Variants in MAP2 observed in about 807,000 individuals in gnomAD.
MAP2 encodes microtubule associated protein 2, also known as microtubule-associated protein 2.
In MAP2, 14 loss-of-function variants were observed where a neutral mutation model predicts 137.6. The ratio of observed to expected loss-of-function variants is 0.10; its 90% CI spans 0.07 to 0.16. MAP2 has a LOEUF of 0.16. Ranked by LOEUF, MAP2 falls within the 10% of genes least tolerant of loss-of-function variation. MAP2 has a pLI of 1.00. For synonymous variants in MAP2, 786 were observed against 782.3 expected (o/e 1.00, Z -0.08); for missense variants, 2,088 against 2,191.5 (o/e 0.95, Z 0.94).
chr2:209,433,532 C>T (rs1326640382), intron 1 of MAP2, among the ~76,000 whole-genome samples: 3 of 152,050 alleles, frequency 2.0e-5, no homozygotes, highest in Non-Finnish European at 4.4e-5. Flanking sequence ...ATTTAACTTG[C>T]ACTGCACTGT....
chr2:209,729,072 G>T (rs118098965), intron 14 of MAP2, among the ~76,000 whole-genome samples: 2 of 152,224 alleles, frequency 1.3e-5, no homozygotes, highest in East Asian at 1.9e-4. Context: ...TGAGAAAGAC[G>T]TGTAGAGATG....
At chr2:209,521,727 C>T (rs1439935493) in intron 2 of MAP2, among the ~76,000 whole-genome samples, 1 of 151,942 alleles carries the variant, frequency 6.6e-6, no homozygotes, top group Non-Finnish European at 1.5e-5. Flanking sequence ...AGCTGATATA[C>T]CAGGAGATTG....
At chr2:209,705,404 A>C (rs1357423444) in intron 11 of MAP2, 176 bp from the exon 12 acceptor site, 2 of 426,600 alleles carry the variant, frequency 4.7e-6, no homozygotes, top group Non-Finnish European at 4.0e-6. Context: ...CATCTAGGCA[A>C]ATATGCACTC....
intron 1 of MAP2, among the ~76,000 whole-genome samples, chr2:209,432,947 C>G (rs1353735644): frequency 6.6e-6 from 1 of 152,084 alleles, no homozygotes; most frequent in Middle Eastern, 3.2e-3. Context: ...CCTTTTAGAA[C>G]ATGATGTTCT....
intron 3 of MAP2, among the ~76,000 whole-genome samples, chr2:209,623,816 T>C (rs904415281): frequency 2.6e-5 from 4 of 152,170 alleles, no homozygotes; most frequent in African/African-American, 9.7e-5. Flanking sequence ...AAAATAGTTA[T>C]CAAATTATTA....
intron 10 of MAP2, among the ~76,000 whole-genome samples, chr2:209,699,323 T>A (rs2061122835): frequency 6.6e-6 from 1 of 151,628 alleles, no homozygotes; most frequent in Non-Finnish European, 1.5e-5. Flanking sequence ...TTAGAACTTA[T>A]TCAGAGGGCT....
At chr2:209,630,734 C>A (rs2153547469) in intron 4 of MAP2, among the ~76,000 whole-genome samples, 1 of 151,898 alleles carries the variant, frequency 6.6e-6, no homozygotes, top group African/African-American at 2.4e-5. Flanking sequence ...AAGGGAAAGA[C>A]AAATGGATAA....
At chr2:209,455,727 A>T (rs1701383813) in intron 1 of MAP2, among the ~76,000 whole-genome samples, 1 of 152,192 alleles carries the variant, frequency 6.6e-6, no homozygotes, top group South Asian at 2.1e-4. Flanking sequence ...TTAAAAAGCC[A>T]CCTTGTAATC....
chr2:209,697,806 T>G (rs761270767), intron 10 of MAP2, among the ~76,000 whole-genome samples: 9 of 152,182 alleles, frequency 5.9e-5, no homozygotes, highest in Non-Finnish European at 1.2e-4. Context: ...TAGGAGGAAC[T>G]TCAGTTAGAA....
At chr2:209,630,296 T>C (rs952407413) in intron 4 of MAP2, among the ~76,000 whole-genome samples, 2 of 151,948 alleles carry the variant, frequency 1.3e-5, no homozygotes, top group Non-Finnish European at 2.9e-5. Flanking sequence ...CTGGGGCTCC[T>C]CAGCCCGATC....
At chr2:209,465,276 A>T (rs1703836731) in intron 1 of MAP2, among the ~76,000 whole-genome samples, 1 of 152,306 alleles carries the variant, frequency 6.6e-6, no homozygotes, top group East Asian at 1.9e-4. Context: ...TCTAAAAAAA[A>T]GTGAAAGAAA....
chr2:209,706,916 A>T (rs373430797), intron 12 of MAP2, among the ~76,000 whole-genome samples: 7 of 152,168 alleles, frequency 4.6e-5, no homozygotes, highest in African/African-American at 1.7e-4. Context: ...CCTTTGAAAT[A>T]TGTGTTAAGA....
intron 2 of MAP2, among the ~76,000 whole-genome samples, chr2:209,564,007 G>A (rs2072803800): frequency 6.6e-6 from 1 of 152,004 alleles, no homozygotes; most frequent in Non-Finnish European, 1.5e-5. Context: ...AATCCTCTTT[G>A]TACTTTCATT....
intron 1 of MAP2, among the ~76,000 whole-genome samples, chr2:209,436,936 A>G (rs1212685934): frequency 1.3e-5 from 2 of 151,710 alleles, no homozygotes; most frequent in Non-Finnish European, 3.0e-5. Context: ...TAAAATGTAA[A>G]TCAAACTACA....
intron 1 of MAP2, among the ~76,000 whole-genome samples, chr2:209,507,236 A>G (rs1481791598): frequency 6.6e-6 from 1 of 152,144 alleles, no homozygotes; most frequent in African/African-American, 2.4e-5. Flanking sequence ...TTTTGATTAA[A>G]CATCTCTTAA....
chr2:209,659,996 C>T (rs2042671390), intron 5 of MAP2, among the ~76,000 whole-genome samples: 2 of 152,078 alleles, frequency 1.3e-5, no homozygotes, highest in African/African-American at 4.8e-5. Context: ...CGAGATGGCG[C>T]CACTGCACTC....
chr2:209,548,799 T>C (rs1229731274), intron 2 of MAP2, among the ~76,000 whole-genome samples: 1 of 152,176 alleles, frequency 6.6e-6, no homozygotes, highest in Non-Finnish European at 1.5e-5. Flanking sequence ...GTTCCTCCTG[T>C]GTTCATTCTC....
At chr2:209,678,139 T>G (rs1001995699) in intron 5 of MAP2, among the ~76,000 whole-genome samples, 2 of 152,196 alleles carry the variant, frequency 1.3e-5, no homozygotes, top group South Asian at 4.1e-4. Context: ...GAAATTAAAT[T>G]GTTTCTATTT....
intron 4 of MAP2, among the ~76,000 whole-genome samples, chr2:209,644,962 G>T (rs1001522911): frequency 2.0e-5 from 3 of 152,138 alleles, no homozygotes. Flanking sequence ...TGATGGCAGA[G>T]TTGTCAGGGA....
Sources: allele counts gnomAD v4.1 joint callset (sites outside exome capture counted in the v4.1 genomes callset), GRCh38; gene constraint gnomAD v4.1.1; transcripts MANE v1.5; gene names NCBI Gene and HGNC (gene_info 2026-07-23, HGNC 2026-07-21).